The following RORB variants were observed in gnomAD, a reference collection of about 807,000 sequenced individuals.
RORB encodes RAR related orphan receptor B, also known as nuclear receptor ROR-beta.
RORB carries 6 observed loss-of-function variants against 59.1 expected under a neutral mutation model. That is an observed-to-expected ratio of 0.10 (90% CI 0.06 to 0.20). The LOEUF (loss-of-function observed/expected upper bound fraction) is 0.20. Among genes scored for constraint, RORB ranks in the 10% least tolerant of loss-of-function variants. RORB has a pLI of 1.00. For missense variants in RORB, 320 were observed against 560.5 expected, an observed-to-expected ratio of 0.57 and a Z score of 4.33; for synonymous variants, 215 against 204.5, an observed-to-expected ratio of 1.05 and a Z score of -0.44.
chr9:74,516,974 A>G (rs2118057415), intron 1 of RORB, among the ~76,000 whole-genome samples: 1 of 152,000 alleles, frequency 6.6e-6, no homozygotes, highest in Non-Finnish European at 1.5e-5. Context: ...CTTTCAGGGG[A>G]GTGTTTTATG....
intron 1 of RORB, among the ~76,000 whole-genome samples, chr9:74,564,154 C>A (rs1197840060): frequency 1.3e-5 from 2 of 152,124 alleles, no homozygotes; most frequent in East Asian, 3.9e-4. Context: ...CTGGTATCAC[C>A]TGCTTTGGGC....
At chr9:74,598,287 A>C (rs1452792348) in intron 1 of RORB, among the ~76,000 whole-genome samples, 1 of 151,992 alleles carries the variant, frequency 6.6e-6, no homozygotes, top group East Asian at 1.9e-4. Flanking sequence ...CTACTAGGAG[A>C]TCATCTTTTT....
At chr9:74,542,085 A>G (rs1391057236) in intron 1 of RORB, among the ~76,000 whole-genome samples, 1 of 152,164 alleles carries the variant, frequency 6.6e-6, no homozygotes, top group Non-Finnish European at 1.5e-5. Context: ...TTAAAAAAAA[A>G]TGAAACTTCA....
intron 9 of RORB, among the ~76,000 whole-genome samples, chr9:74,685,164 C>T (rs1420944182): frequency 3.3e-5 from 5 of 149,270 alleles, no homozygotes; most frequent in Non-Finnish European, 5.9e-5. Context: ...AGAGCACCCA[C>T]TTGTAACTAT....
intron 1 of RORB, among the ~76,000 whole-genome samples, chr9:74,538,646 A>T (rs1451986305): frequency 6.6e-6 from 1 of 151,892 alleles, no homozygotes; most frequent in Non-Finnish European, 1.5e-5. Flanking sequence ...ACATTTATTT[A>T]TATATGTGCA....
Position 74,575,785 on chromosome 9 carries a change from C to T in RORB, c.8-54497C>T, listed in dbSNP as rs189755253. On this transcript the variant is annotated intron_variant, in intron 1 of 9. Transcript: ENST00000376896. Reference sequence around the variant, plus strand: ...AGAGGGAGGGATAAAAAGCAGTCTCCTTATACAGTGGTACAGGGAATATTA... The same window carrying T: ...AGAGGGAGGGATAAAAAGCAGTCTCTTTATACAGTGGTACAGGGAATATTA... Among the ~76,000 whole-genome samples the T allele has an allele frequency of 1.7e-3, 251 of 152,100 alleles. 2 individuals are homozygous for T. Among genetic ancestry groups the T allele is most frequent in the African/African-American group, 5.4e-3 (222 of 41,494 alleles).
chr9:74,690,505 T>C lies in RORB; in HGVS notation c.*4887T>C, dbSNP rs1422724925. 6.6e-6 allele frequency: 1 copy of C among 152,202 alleles called. No homozygotes were observed. Among genetic ancestry groups the C allele is most frequent in the Non-Finnish European group, 1.5e-5 (1 of 68,046 alleles). The allele number at this position is 152,202 out of a possible 1,614,324, so 9.4% of individuals were successfully genotyped here. A position where few individuals can be genotyped will look rare whatever the true frequency, so the allele number is the denominator to read the frequency against. On this transcript the variant is annotated 3_prime_UTR_variant, in exon 10 of 10. Coordinates refer to ENST00000376896, the MANE Select transcript of RORB (RefSeq NM_006914.4). ...TGAAATTATACATGATGGCAGTTGA[T>C]TCAGAGCTTAGTGCAGACCAAACAA... is the stretch of plus-strand genomic sequence containing the variant.
chr9:74,642,347 T>C (rs934040265), intron 3 of RORB, 67 bp from the exon 4 acceptor site: 10 of 1,482,412 alleles, frequency 6.7e-6, no homozygotes, highest in Non-Finnish European at 9.1e-6. Context: ...CATGACCCGT[T>C]GTACCTGAGG....
At chr9:74,556,300 T>A (rs1822289698) in intron 1 of RORB, among the ~76,000 whole-genome samples, 1 of 152,226 alleles carries the variant, frequency 6.6e-6, no homozygotes. Flanking sequence ...GGGCCTCTGC[T>A]GTAGGTCGTA....
At chr9:74,529,732 G>A (rs1202380812) in intron 1 of RORB, among the ~76,000 whole-genome samples, 1 of 151,728 alleles carries the variant, frequency 6.6e-6, no homozygotes, top group Non-Finnish European at 1.5e-5. Flanking sequence ...ACATATCTTT[G>A]TATAAAAGCA....
intron 1 of RORB, among the ~76,000 whole-genome samples, chr9:74,602,781 T>C (rs960094849): frequency 3.3e-5 from 5 of 152,352 alleles, no homozygotes; most frequent in Middle Eastern, 6.8e-3. Context: ...TAAATTGGTT[T>C]CATTTATAAA....
At chr9:74,524,003 CTTTTTT>C (rs10666385) in intron 1 of RORB, among the ~76,000 whole-genome samples, 7 of 124,286 alleles carry the variant, frequency 5.6e-5, no homozygotes, top group African/African-American at 1.8e-4. Flanking sequence ...TCAACGACAC[CTTTTTT>C]TTTTTTTTTT....
intron 1 of RORB, among the ~76,000 whole-genome samples, chr9:74,618,632 AC>A (rs112414663): frequency 1.5e-4 from 23 of 152,252 alleles, no homozygotes; most frequent in African/African-American, 5.3e-4. Flanking sequence ...AACTCTCTGA[AC>A]AAGTGCTGAG....
intron 2 of RORB, 24 bp downstream of exon 2, chr9:74,630,391 G>T: frequency 6.3e-7 from 1 of 1,583,408 alleles, no homozygotes; most frequent in Admixed American, 1.7e-5. Context: ...ATACAGCACG[G>T]TTCTGTATTT....
At chr9:74,685,087 T>C (rs968237246) in intron 9 of RORB, among the ~76,000 whole-genome samples, 3 of 152,110 alleles carry the variant, frequency 2.0e-5, no homozygotes, top group African/African-American at 7.2e-5. Flanking sequence ...ATGAGAAAAC[T>C]GAGACATAGA....
chr9:74,554,183 G>A (rs967015984), intron 1 of RORB, among the ~76,000 whole-genome samples: 2 of 152,124 alleles, frequency 1.3e-5, no homozygotes, highest in Non-Finnish European at 2.9e-5. Flanking sequence ...AGATAAATGA[G>A]AACCAGAAAA....
At chr9:74,616,317 T>C (rs967357627) in intron 1 of RORB, among the ~76,000 whole-genome samples, 2 of 152,166 alleles carry the variant, frequency 1.3e-5, no homozygotes, top group Non-Finnish European at 2.9e-5. Flanking sequence ...AATATTAAAA[T>C]GAAAATTGAT....
chr9:74,527,430 T>A (rs55898546), intron 1 of RORB, among the ~76,000 whole-genome samples: 48,212 of 151,764 alleles, frequency 0.32, 7,960 homozygotes, highest in Admixed American at 0.41. Flanking sequence ...GGAAGGACAG[T>A]CAGTAATTTA....
At chr9:74,499,384 C>A (rs1166094133) in intron 1 of RORB, among the ~76,000 whole-genome samples, 1 of 152,138 alleles carries the variant, frequency 6.6e-6, no homozygotes, top group Non-Finnish European at 1.5e-5. Flanking sequence ...CCTCCCGCAC[C>A]CGGTGAGCCC....
Sources: allele counts gnomAD v4.1 joint callset (sites outside exome capture counted in the v4.1 genomes callset), GRCh38; gene constraint gnomAD v4.1.1; transcripts MANE v1.5; gene names NCBI Gene and HGNC (gene_info 2026-07-23, HGNC 2026-07-21).